LY6L: variants seen among roughly 807,000 people sequenced by gnomAD.
LY6L encodes the protein lymphocyte antigen 6L.
In LY6L, 8 loss-of-function variants were observed where a neutral mutation model predicts 8.3. The ratio of observed to expected loss-of-function variants is 0.97; its 90% CI spans 0.57 to 1.74. LY6L has a LOEUF of 1.74. LY6L is among the 40% of genes most tolerant of loss of function. The pLI, the probability that LY6L is intolerant of heterozygous loss-of-function variation, is 0.00. For synonymous variants in LY6L, 79 were observed against 77.9 expected, an observed-to-expected ratio of 1.01 and a Z score of -0.07; for missense variants, 156 against 183.8, an observed-to-expected ratio of 0.85 and a Z score of 0.87.
At chr8:143,082,349 C>G in intron 3 of LY6L, 76 bp from the exon 4 acceptor site, 3 of 1,093,410 alleles carry the variant, frequency 2.7e-6, no homozygotes, top group South Asian at 2.9e-5. Flanking sequence ...TGGAAAGCAT[C>G]CTTGCACTTT....
rs1322257869 is a variant in LY6L at position 143,081,311 on chromosome 8, G to C, written c.174G>C (p.Glu58Asp). 5.2e-6 allele frequency: 8 copies of C among 1,530,074 alleles called. No homozygotes were observed. The highest frequency in any genetic ancestry group is 7.0e-6 in the Non-Finnish European group (8 of 1,143,204). 94.8% of individuals were successfully genotyped at this position (1,530,074 alleles called of 1,614,324 possible). Reference protein sequence around the residue: ...SPLDQVCISNEVVVSFKWSVR... With the variant: ...SPLDQVCISNDVVVSFKWSVR... The stretch of plus-strand genomic sequence containing the variant: ...TGGACCAAGTCTGCATCTCCAACGA[G>C]GTGGTCGTCTCTTTTAGTGAGTCCC... The change falls in exon 3 of 4, where the codon GAG (glutamate) becomes GAC (aspartate). Residue 58 changes from glutamate to aspartate, a missense_variant. Physicochemically the swap from Glu to Asp is conservative, Grantham distance 45. Coordinates refer to ENST00000562505, the MANE Select transcript of LY6L (RefSeq NM_001368160.2).
intron 1 of LY6L, 45 bp downstream of exon 1, chr8:143,080,704 G>A (rs1223129239): frequency 7.6e-6 from 2 of 263,928 alleles, no homozygotes; most frequent in African/African-American, 4.4e-5. Context: ...GCTGGGATGA[G>A]GGTCGGGCGA....
intron 1 of LY6L, 37 bp from the exon 2 acceptor site, chr8:143,080,999 G>A (rs750682357): frequency 8.2e-6 from 12 of 1,457,266 alleles, no homozygotes; most frequent in Non-Finnish European, 9.3e-6. Flanking sequence ...GGCTCTCTGG[G>A]TGAAGCCTCC....
At chr8:143,081,565 CT>C (rs1370738942) in intron 3 of LY6L, among the ~76,000 whole-genome samples, 2 of 152,196 alleles carry the variant, frequency 1.3e-5, no homozygotes, top group Non-Finnish European at 2.9e-5. Context: ...GACAAAGGCT[CT>C]GATGTCACTG....
rs1820451071 is a variant in LY6L at position 143,082,617 on chromosome 8, AG to A, written c.385del (p.Val129TrpfsTer49). On this transcript the variant is annotated frameshift_variant, in exon 4 of 4. Transcript: ENST00000562505. LOFTEE classifies it high-confidence loss of function. Reference protein sequence around the residue: ...RWALRGGLLLQVGLSLLRALL With the variant: ...RWALRGGLLLXVGLSLLRALL ...GCCCTGCGAGGGGGGCTCCTGCTCC[AG>A]GTGGGCCTCAGCCTCCTCAGGGCCC... The A allele has an allele frequency of 6.6e-7, 1 of 1,521,236 alleles. No homozygotes were observed. Among genetic ancestry groups the A allele is most frequent in the Admixed American group, 2.0e-5 (1 of 50,366 alleles). 94.2% of individuals were successfully genotyped at this position (1,521,236 alleles called of 1,614,324 possible).
rs972400838 is a variant in LY6L, at chr8:143,081,046, C to T, written c.-8C>T. 1 of 1,533,084 alleles carries T rather than the reference C, an allele frequency of 6.5e-7. No individual in the cohort carries two copies. Among genetic ancestry groups the T allele is most frequent in the Non-Finnish European group, 8.7e-7 (1 of 1,144,922 alleles). 95.0% of individuals were successfully genotyped at this position (1,533,084 alleles called of 1,614,324 possible). A position where few individuals can be genotyped will look rare whatever the true frequency, so the allele number is the denominator to read the frequency against. ...CCTCACCCCACTCAGGCTGAGCCTT[C>T]TGGCGTCATGGAGAGGCTCGTCCTA... On this transcript the variant is annotated 5_prime_UTR_variant, in exon 2 of 4. Coordinates refer to ENST00000562505, the MANE Select transcript of LY6L (RefSeq NM_001368160.2).
In LY6L at chr8:143,082,526, A is replaced by G; in HGVS notation, c.292A>G (p.Ile98Val). 6.5e-7 allele frequency: 1 copy of G among 1,535,380 alleles called. No individual in the cohort carries two copies. The highest frequency in any genetic ancestry group is 8.7e-7 in the Non-Finnish European group (1 of 1,146,672). Residue 98 changes from isoleucine (I) to valine (V), a missense_variant, in exon 4 of 4, where the codon ATC becomes GTC. Ile to Val is a conservative substitution (Grantham distance 29). Coordinates refer to ENST00000562505, the MANE Select transcript of LY6L (RefSeq NM_001368160.2). ...WSPAPMVQGV[I>V]TRRCCSWALC... ...GCCGGCCCCCATGGTGCAAGGCGTG[A>G]TCACCAGGCGCTGCTGTTCCTGGGC... is the stretch of plus-strand genomic sequence containing the variant.
Position 143,081,266 on chromosome 8 carries a change from G to A in LY6L, c.129G>A (p.Pro43=), listed in dbSNP as rs1008494397. 4 of 1,533,806 alleles carry A rather than the reference G, an allele frequency of 2.6e-6. No individual in the cohort carries two copies. The highest frequency in any genetic ancestry group is 3.5e-6 in the Non-Finnish European group (4 of 1,145,616). Residue 43 remains proline, a synonymous_variant, in exon 3 of 4, where the codon CCG becomes CCA. Transcript: ENST00000562505. Reference sequence around the variant, plus strand: ...AGGTCAGCAGCTGGACGGAGTGCCCGCCCACCTGGTGCAGCCCGCTGGACC... The same window carrying A: ...AGGTCAGCAGCTGGACGGAGTGCCCACCCACCTGGTGCAGCCCGCTGGACC... ...CFKVSSWTEC[P]PTWCSPLDQV...
chr8:143,082,529 A>T lies in LY6L; in HGVS notation c.295A>T (p.Thr99Ser). ...GGCCCCCATGGTGCAAGGCGTGATCACCAGGCGCTGCTGTTCCTGGGCTCT... is the reference window on the plus strand; with the variant it reads ...GGCCCCCATGGTGCAAGGCGTGATCTCCAGGCGCTGCTGTTCCTGGGCTCT... ...SPAPMVQGVI[T>S]RRCCSWALCN... Residue 99 changes from threonine (T) to serine (S), a missense_variant, in exon 4 of 4, where the codon ACC becomes TCC. Thr to Ser is a moderately conservative substitution (Grantham distance 58). Transcript: ENST00000562505. The T allele has an allele frequency of 2.0e-6, 3 of 1,535,376 alleles. No individual in the cohort carries two copies. Among genetic ancestry groups the T allele is most frequent in the Non-Finnish European group, 2.6e-6 (3 of 1,146,646 alleles).
Position 143,082,666 on chromosome 8 carries a change from C to T in LY6L, c.*15C>T, listed in dbSNP as rs550730266. 161 of 1,453,976 alleles carry T rather than the reference C, an allele frequency of 1.1e-4. No homozygotes were observed. The highest frequency in any genetic ancestry group is 1.5e-4 in the East Asian group (6 of 39,884). 90.1% of individuals were successfully genotyped at this position (1,453,976 alleles called of 1,614,324 possible). On this transcript the variant is annotated 3_prime_UTR_variant, in exon 4 of 4. Transcript: ENST00000562505. ...CCCTGTTGTGAGGGCCCTCCCTTTA[C>T]GCCCCCTCCTGGCCCTGCTGGCCCA...
Position 143,081,110 on chromosome 8 carries a change from C to T in LY6L, c.57C>T (p.Gly19=). ...TCCCGCTGGCTGTGGCGTCTGCTGG[C>T]TGCGCCACGACGCCAGGTAAGGCGC... ...CTLPLAVASA[G]CATTPARNLS... The change falls in exon 2 of 4, where the codon GGC becomes GGT. Residue 19 remains glycine (G), a synonymous_variant. Transcript: ENST00000562505. The T allele has an allele frequency of 6.5e-7, 1 of 1,534,840 alleles. No individual in the cohort carries two copies. Among genetic ancestry groups the T allele is most frequent in the Non-Finnish European group, 8.7e-7 (1 of 1,146,296 alleles).
intron 2 of LY6L, 42 bp from the exon 3 acceptor site, chr8:143,081,169 G>GC: frequency 6.5e-7 from 1 of 1,527,980 alleles, no homozygotes; most frequent in Non-Finnish European, 8.8e-7. Flanking sequence ...CGGGGCTGGA[G>GC]CTGCGGACGC....
rs1212380371 is a variant in LY6L at position 143,082,740 on chromosome 8, CACTGGGGGGGG to C, written c.*92_*102del. On this transcript the variant is annotated 3_prime_UTR_variant, in exon 4 of 4. Coordinates refer to ENST00000562505, the MANE Select transcript of LY6L (RefSeq NM_001368160.2). ...CATCCTGCCTCCGCCCCTTCCAGGA[CACTGGGGGGGG>C]ACCCTCCCTCTCTGAGGTGGTGGGG... The C allele has an allele frequency of 1.9e-6, 2 of 1,079,154 alleles. No homozygotes were observed. The highest frequency in any genetic ancestry group is 5.4e-5 in the East Asian group (2 of 37,172). 66.8% of individuals were successfully genotyped at this position (1,079,154 alleles called of 1,614,324 possible).
intron 1 of LY6L, 46 bp downstream of exon 1, chr8:143,080,705 G>A: frequency 3.7e-6 from 1 of 267,366 alleles, no homozygotes; most frequent in Non-Finnish European, 7.0e-6. Flanking sequence ...CTGGGATGAG[G>A]GTCGGGCGAG....
chr8:143,082,668 C>CG lies in LY6L; in HGVS notation c.*17_*18insG. The CG allele has an allele frequency of 6.9e-7, 1 of 1,450,448 alleles. No individual in the cohort carries two copies. 89.8% of individuals were successfully genotyped at this position (1,450,448 alleles called of 1,614,324 possible). A position where few individuals can be genotyped will look rare whatever the true frequency, so the allele number is the denominator to read the frequency against. On this transcript the variant is annotated 3_prime_UTR_variant, in exon 4 of 4. Transcript: ENST00000562505. ...CTGTTGTGAGGGCCCTCCCTTTACG[C>CG]CCCCTCCTGGCCCTGCTGGCCCATC...
At chr8:143,081,149 C>A in intron 2 of LY6L, 23 bp downstream of exon 2, 1 of 1,532,882 alleles carries the variant, frequency 6.5e-7, no homozygotes, top group South Asian at 1.2e-5. Flanking sequence ...CCGGGCTGGG[C>A]TGGGGGCGTC....
At chr8:143,081,003 A>C (rs1820418638) in intron 1 of LY6L, 33 bp from the exon 2 acceptor site, 4 of 1,455,254 alleles carry the variant, frequency 2.7e-6, no homozygotes, top group Non-Finnish European at 3.7e-6. Flanking sequence ...CTCTGGGTGA[A>C]GCCTCCCGCA....
chr8:143,081,669 T>C (rs911729139), intron 3 of LY6L, among the ~76,000 whole-genome samples: 3 of 152,194 alleles, frequency 2.0e-5, no homozygotes, highest in Admixed American at 1.3e-4. Flanking sequence ...ACAGTACACC[T>C]GCCATACAAC....
rs1820422578 is a variant in LY6L, at chr8:143,081,153, G to C, written c.73+27G>C. 3.3e-6 allele frequency: 5 copies of C among 1,532,696 alleles called. No homozygotes were observed. The East Asian group carries it at 1.2e-4, about 38-fold the overall frequency. 94.9% of individuals were successfully genotyped at this position (1,532,696 alleles called of 1,614,324 possible). On this transcript the variant is annotated intron_variant, in intron 2 of 3. Transcript: ENST00000562505. Reference sequence around the variant, plus strand: ...TAAGGCGCGGCCCGGGCTGGGCTGGGGGCGTCGGGGCTGGAGCTGCGGACG... The same window carrying C: ...TAAGGCGCGGCCCGGGCTGGGCTGGCGGCGTCGGGGCTGGAGCTGCGGACG...
Sources: gnomAD v4.1 joint callset for allele counts (sites outside exome capture counted in the v4.1 genomes callset) on GRCh38, gnomAD v4.1.1 for gene constraint, MANE v1.5 for transcripts, NCBI Gene and HGNC (gene_info 2026-07-23, HGNC 2026-07-21) for gene names.